TSHR: variants seen among roughly 807,000 people sequenced by gnomAD.
TSHR encodes the protein thyroid stimulating hormone receptor, also known as thyrotropin receptor.
A neutral mutation model predicts 64.1 loss-of-function variants in TSHR; 51 were observed. That is an observed-to-expected ratio of 0.80 (90% confidence interval 0.64 to 1.01). The LOEUF (loss-of-function observed/expected upper bound fraction) is 1.01, where lower values mean the gene tolerates loss of function less well. Ranked by LOEUF, TSHR falls within the 50% of genes least tolerant of loss-of-function variation. The probability of loss-of-function intolerance (pLI) is 0.00; values close to 1 mark genes in which losing one functional copy is unlikely to be tolerated. For missense variants in TSHR, 877 were observed against 942.8 expected (o/e 0.93, Z 0.91); for synonymous variants, 361 against 361.9 (o/e 1.00, Z 0.03).
At chr14:81,019,457 CTTTTTT>C (rs1166193901) in intron 1 of TSHR, among the ~76,000 whole-genome samples, 1 of 118,388 alleles carries the variant, frequency 8.4e-6, no homozygotes, top group African/African-American at 3.1e-5. Context: ...ATCATCAATT[CTTTTTT>C]TTTTTTTTTT....
intron 6 of TSHR, chr14:81,093,608 A>T (rs940250288): frequency 2.0e-5 from 3 of 152,196 alleles, no homozygotes; most frequent in Non-Finnish European, 1.5e-5. Flanking sequence ...AGCTTCATAC[A>T]GTTCTTCTAA....
At chr14:81,029,801 T>C (rs1349385800) in intron 1 of TSHR, among the ~76,000 whole-genome samples, 1 of 152,214 alleles carries the variant, frequency 6.6e-6, no homozygotes, top group African/African-American at 2.4e-5. Context: ...TTCTGTATCC[T>C]TGCCAGTTGT....
intron 1 of TSHR, among the ~76,000 whole-genome samples, chr14:81,011,461 A>G (rs1889903094): frequency 6.6e-6 from 1 of 152,100 alleles, no homozygotes; most frequent in African/African-American, 2.4e-5. Context: ...AAAGCTATTC[A>G]CAGTATTCTT....
rs1396470006 is a variant in TSHR, at chr14:81,143,512, C to A, written c.1454C>A (p.Ala485Asp). Residue 485 changes from alanine to aspartate, a missense_variant, in exon 10 of 10, where the codon GCC becomes GAC. Ala to Asp is a moderately radical substitution (Grantham distance 126, BLOSUM62 -2). Coordinates refer to ENST00000298171, the MANE Select transcript of TSHR (RefSeq NM_000369.5). ...ACTCACTCTGAGTACTACAACCATG[C>A]CATCGACTGGCAGACAGGCCCTGGG... The part of the protein sequence containing the change: ...LYTHSEYYNH[A>D]IDWQTGPGCN... 1 of 1,613,742 alleles carries A rather than the reference C, an allele frequency of 6.2e-7. No individual in the cohort carries two copies. The highest frequency in any genetic ancestry group is 2.2e-5 in the East Asian group (1 of 44,882).
chr14:81,041,945 T>C (rs1006369749), intron 1 of TSHR, among the ~76,000 whole-genome samples: 1 of 152,142 alleles, frequency 6.6e-6, no homozygotes, highest in Non-Finnish European at 1.5e-5. Context: ...TCAGAATATA[T>C]TCCAACCCTT....
At chr14:81,087,105 A>G (rs74458671) in intron 3 of TSHR, among the ~76,000 whole-genome samples, 5,001 of 152,330 alleles carry the variant, frequency 0.033, 240 homozygotes, top group African/African-American at 0.1. Context: ...TAAAAATTAC[A>G]GAGGTCACAT....
At position 81,016,073 on chromosome 14, in the gene TSHR, C is replaced by G. The variant is rs536585339; in HGVS notation, c.171-46075C>G. 2.0e-5 allele frequency among the ~76,000 whole-genome samples: 3 copies of G among 152,244 alleles called. No homozygotes were observed. In the South Asian group the frequency reaches 6.2e-4, roughly 32 times the overall value. On this transcript the variant is annotated intron_variant, in intron 1 of 9. Coordinates refer to ENST00000298171, the MANE Select transcript of TSHR (RefSeq NM_000369.5). The stretch of plus-strand genomic sequence containing the variant: ...CAAATCTTGACTATTGTGAATAATG[C>G]TGCAATGAACATGGGAATGCAGATA...
intron 2 of TSHR, among the ~76,000 whole-genome samples, chr14:81,062,432 A>G (rs1044067260): frequency 6.6e-6 from 1 of 152,232 alleles, no homozygotes; most frequent in Non-Finnish European, 1.5e-5. Context: ...CCTAAATCAA[A>G]TTTAAATTCA....
chr14:80,956,129 G>T (rs936056948), intron 1 of TSHR, among the ~76,000 whole-genome samples: 12 of 152,334 alleles, frequency 7.9e-5, no homozygotes, highest in Admixed American at 6.5e-4. Flanking sequence ...CCAACAAGCT[G>T]CTATTCAGCA....
intron 1 of TSHR, among the ~76,000 whole-genome samples, chr14:81,038,524 A>T (rs1444143099): frequency 6.6e-6 from 1 of 151,564 alleles, no homozygotes; most frequent in East Asian, 1.9e-4. Context: ...AGGCTAAAAA[A>T]TAGAAAACAT....
Position 80,966,543 on chromosome 14 carries a change from G to A in TSHR, c.170+10693G>A, listed in dbSNP as rs1335220621. On this transcript the variant is annotated intron_variant, in intron 1 of 9. Coordinates refer to ENST00000298171, the MANE Select transcript of TSHR (RefSeq NM_000369.5). ...TTCTAGGCATTGATATATAATAAAC[G>A]ACCTCATTGATTTTACATCATAACA... is the stretch of plus-strand genomic sequence containing the variant. Among the ~76,000 whole-genome samples, 97 of 150,312 alleles carry A rather than the reference G, an allele frequency of 6.5e-4. 2 individuals are homozygous for A. Among genetic ancestry groups the A allele is most frequent in the Non-Finnish European group, 2.5e-4 (17 of 67,674 alleles).
intron 8 of TSHR, 69 bp downstream of exon 8, chr14:81,108,521 A>G (rs535486220): frequency 2.5e-5 from 18 of 721,930 alleles, no homozygotes; most frequent in Middle Eastern, 2.9e-4. Flanking sequence ...ATAAATGGAG[A>G]CATTAAGGGG....
intron 1 of TSHR, among the ~76,000 whole-genome samples, chr14:81,005,763 T>C (rs1889569590): frequency 6.6e-6 from 1 of 152,180 alleles, no homozygotes; most frequent in African/African-American, 2.4e-5. Flanking sequence ...ATGACGTCAG[T>C]AAGGAGTGAT....
intron 1 of TSHR, among the ~76,000 whole-genome samples, chr14:81,056,907 T>C (rs1318031448): frequency 6.6e-6 from 1 of 152,250 alleles, no homozygotes; most frequent in Non-Finnish European, 1.5e-5. Context: ...AAATTTACTA[T>C]ACCACCCAAA....
In TSHR at chr14:81,144,297, C is replaced by G. The variant is rs1397789014; in HGVS notation, c.2239C>G (p.Leu747Val). Residue 747 changes from leucine (L) to valine (V), a missense_variant, in exon 10 of 10, where the codon CTA (leucine) becomes GTA (valine). By Grantham distance (32) the Leu-to-Val change is conservative. Coordinates refer to ENST00000298171, the MANE Select transcript of TSHR (RefSeq NM_000369.5). ...DVYELIENSH[L>V]TPKKQGQISE... ...CTATGAACTGATTGAAAACTCCCAT[C>G]TAACCCCAAAGAAGCAAGGCCAAAT... is the stretch of plus-strand genomic sequence containing the variant. The G allele has an allele frequency of 6.2e-7, 1 of 1,614,182 alleles. No individual in the cohort carries two copies. The highest frequency in any genetic ancestry group is 1.7e-5 in the Admixed American group (1 of 60,026).
intron 1 of TSHR, among the ~76,000 whole-genome samples, chr14:80,980,564 A>G (rs2300516): frequency 0.44 from 66,520 of 151,904 alleles, 15,579 homozygotes; most frequent in East Asian, 0.63. Context: ...TGCTTTTAAG[A>G]TCTCTTTGTC....
chr14:81,111,342 A>G (rs1890216945), intron 8 of TSHR, among the ~76,000 whole-genome samples: 1 of 152,220 alleles, frequency 6.6e-6, no homozygotes, highest in Non-Finnish European at 1.5e-5. Context: ...GCTATTGGCC[A>G]ATGGGCACCA....
chr14:81,080,187 C>T (rs1720107879), intron 3 of TSHR, among the ~76,000 whole-genome samples: 1 of 152,040 alleles, frequency 6.6e-6, no homozygotes, highest in Admixed American at 6.6e-5. Context: ...CTCTTGACCT[C>T]GTGATCCTCC....
chr14:81,122,755 G>A (rs1890857490), intron 8 of TSHR, among the ~76,000 whole-genome samples: 1 of 152,196 alleles, frequency 6.6e-6, no homozygotes, highest in Admixed American at 6.5e-5. Context: ...ACACCAGACT[G>A]CAGGGAAGGG....
Sources: gnomAD v4.1 joint callset for allele counts (sites outside exome capture counted in the v4.1 genomes callset) on GRCh38, gnomAD v4.1.1 for gene constraint, MANE v1.5 for transcripts, NCBI Gene and HGNC (gene_info 2026-07-23, HGNC 2026-07-21) for gene names.